The following WNK1 variants were observed in gnomAD, a reference collection of about 807,000 sequenced individuals.
WNK1 encodes WNK lysine deficient protein kinase 1.
A neutral mutation model predicts 222.8 loss-of-function variants in WNK1; 38 were observed. The observed-to-expected ratio is 0.17, with a 90% CI of 0.13 to 0.22. The LOEUF is 0.22. Ranked by LOEUF, WNK1 falls within the 10% of genes least tolerant of loss-of-function variation. The pLI is 1.00. For synonymous variants in WNK1, 1,090 were observed against 1,092.9 expected (o/e 1.00, Z 0.05); for missense variants, 2,348 against 2,918.4 (o/e 0.80, Z 4.50).
intron 4 of WNK1, among the ~76,000 whole-genome samples, chr12:849,737 G>GC (rs1353213215): frequency 6.6e-6 from 1 of 151,376 alleles, no homozygotes; most frequent in African/African-American, 2.4e-5. Flanking sequence ...CCCACAACAG[G>GC]CCCCGGTGTG....
chr12:863,144 A>G (rs1951347878), intron 8 of WNK1, among the ~76,000 whole-genome samples: 1 of 152,192 alleles, frequency 6.6e-6, no homozygotes, highest in Non-Finnish European at 1.5e-5. Flanking sequence ...ATCTTTAAGC[A>G]GACAGATTTT....
At chr12:769,875 A>G (rs1412184305) in intron 1 of WNK1, among the ~76,000 whole-genome samples, 2 of 152,186 alleles carry the variant, frequency 1.3e-5, no homozygotes, top group African/African-American at 4.8e-5. Context: ...TCAGGGCAAG[A>G]GAGTGTGAAC....
At chr12:902,261 C>T (rs1176249582) in intron 26 of WNK1, among the ~76,000 whole-genome samples, 1 of 152,086 alleles carries the variant, frequency 6.6e-6, no homozygotes, top group Non-Finnish European at 1.5e-5. Context: ...CATGATTGCA[C>T]CACTGCACCC....
At chr12:759,949 G>A (rs1397474590) in intron 1 of WNK1, among the ~76,000 whole-genome samples, 1 of 148,022 alleles carries the variant, frequency 6.8e-6, no homozygotes, top group Non-Finnish European at 1.5e-5. Context: ...TCTTTTTTAG[G>A]TTGTCCTTTT....
chr12:890,659 C>G lies in WNK1; in HGVS notation c.5509+146C>G, dbSNP rs1357361053. 4 of 878,872 alleles carry G rather than the reference C, an allele frequency of 4.6e-6. No individual in the cohort carries two copies. The East Asian group carries it at 1.1e-4, about 23-fold the overall frequency. 54.4% of individuals were successfully genotyped at this position (878,872 alleles called of 1,614,324 possible). ...TAATATCTAAAGCTTGAAAGATTAG[C>G]AAATTAATAAATCTGTTCCGTTATT... On this transcript the variant is annotated intron_variant, in intron 22 of 27. Transcript: ENST00000315939.
intron 26 of WNK1, 172 bp from the exon 27 acceptor site, chr12:907,675 A>G (rs919065022): frequency 2.5e-6 from 2 of 810,926 alleles, no homozygotes; most frequent in African/African-American, 3.4e-5. Flanking sequence ...TCACCCTATT[A>G]TACCAAAACA....
chr12:808,981 C>T (rs1391982520), intron 1 of WNK1, among the ~76,000 whole-genome samples: 1 of 152,030 alleles, frequency 6.6e-6, no homozygotes, highest in East Asian at 1.9e-4. Flanking sequence ...CCAGTCTGGT[C>T]TTGAACTCCT....
chr12:799,353 ACTC>A (rs1381261367), intron 1 of WNK1, among the ~76,000 whole-genome samples: 2 of 150,014 alleles, frequency 1.3e-5, no homozygotes, highest in Non-Finnish European at 3.0e-5. Context: ...CTGCCCATGA[ACTC>A]CTGAGCTCAA....
chr12:755,461 A>C (rs557763034), intron 1 of WNK1, among the ~76,000 whole-genome samples: 55 of 152,350 alleles, frequency 3.6e-4, no homozygotes, highest in Non-Finnish European at 6.5e-4. Flanking sequence ...TCAAATGTGA[A>C]ATTAACACAG....
At position 887,269 on chromosome 12, in the gene WNK1, C is replaced by CCT. The variant is rs1953755888; in HGVS notation, c.5329_5330insCT (p.Gln1777ProfsTer11). On this transcript the variant is annotated frameshift_variant, in exon 20 of 28. Coordinates refer to ENST00000315939, the MANE Select transcript of WNK1 (RefSeq NM_018979.4). LOFTEE classifies it high-confidence loss of function. ...TCCAGCAGGTACTCTACCCAGCGAG[C>CCT]AGCTGCCACCTTTTCCAGGACCTTC... The CCT allele has an allele frequency of 6.2e-7, 1 of 1,614,086 alleles. No individual in the cohort carries two copies. The highest frequency in any genetic ancestry group is 8.5e-7 in the Non-Finnish European group (1 of 1,180,030).
intron 1 of WNK1, among the ~76,000 whole-genome samples, chr12:791,630 T>G (rs1944854665): frequency 6.6e-6 from 1 of 152,132 alleles, no homozygotes. Flanking sequence ...GGAAATCCAT[T>G]TTAGTTCATC....
chr12:797,405 A>G (rs560537572), intron 1 of WNK1, among the ~76,000 whole-genome samples: 3 of 152,200 alleles, frequency 2.0e-5, no homozygotes, highest in Non-Finnish European at 4.4e-5. Flanking sequence ...GTAATGTAAA[A>G]TTTCTTTATA....
At chr12:757,349 CGGA>C (rs1565383199) in intron 1 of WNK1, among the ~76,000 whole-genome samples, 2 of 16,650 alleles carry the variant, frequency 1.2e-4, no homozygotes, top group Non-Finnish European at 1.8e-4. Flanking sequence ...AAAAAAGAGA[CGGA>C]GTCTTGCTCT....
chr12:789,534 C>CTTTTTTT (rs34511181), intron 1 of WNK1, among the ~76,000 whole-genome samples: 1 of 117,742 alleles, frequency 8.5e-6, no homozygotes, highest in African/African-American at 3.1e-5. Flanking sequence ...GGTTATACTC[C>CTTTTTTT]TTTTTTTTTT....
chr12:896,800 TTAA>T (rs1368923584), intron 24 of WNK1, 68 bp downstream of exon 24: 12 of 1,549,124 alleles, frequency 7.7e-6, no homozygotes, highest in African/African-American at 2.8e-5. Context: ...AGGGCCAAGA[TTAA>T]TAATATTTTT....
intron 1 of WNK1, among the ~76,000 whole-genome samples, chr12:787,489 G>A (rs1372274306): frequency 6.6e-6 from 1 of 152,156 alleles, no homozygotes; most frequent in Non-Finnish European, 1.5e-5. Context: ...ACAGGGTCTG[G>A]AAGTCAATAA....
intron 1 of WNK1, among the ~76,000 whole-genome samples, chr12:809,477 C>T (rs1290882679): frequency 6.6e-6 from 1 of 151,934 alleles, no homozygotes; most frequent in African/African-American, 2.4e-5. Context: ...AAGAAATCTG[C>T]AGTAGGAATT....
intron 1 of WNK1, 88 bp downstream of exon 1, chr12:754,412 G>T: frequency 6.4e-7 from 1 of 1,565,820 alleles, no homozygotes; most frequent in African/African-American, 1.3e-5. Flanking sequence ...CCTTCACTTG[G>T]CATTCTCTGT....
At chr12:815,640 A>G (rs1183131107) in intron 2 of WNK1, among the ~76,000 whole-genome samples, 1 of 152,252 alleles carries the variant, frequency 6.6e-6, no homozygotes, top group Non-Finnish European at 1.5e-5. Flanking sequence ...CTAATACTGA[A>G]TAATAAGTGT....
Sources: allele counts gnomAD v4.1 joint callset (sites outside exome capture counted in the v4.1 genomes callset), GRCh38; gene constraint gnomAD v4.1.1; transcripts MANE v1.5; gene names NCBI Gene and HGNC (gene_info 2026-07-23, HGNC 2026-07-21).